The following ACTR6 variants were observed in gnomAD, a reference collection of about 807,000 sequenced individuals.
ACTR6 encodes actin-related protein 6.
In ACTR6, 50 loss-of-function variants were observed where a neutral mutation model predicts 52.5. The ratio of observed to expected loss-of-function variants is 0.95; its 90% confidence interval spans 0.76 to 1.20. The LOEUF (loss-of-function observed/expected upper bound fraction) is 1.20, where lower values mean the gene tolerates loss of function less well. Ranked by LOEUF, ACTR6 falls within the 50% of genes most tolerant of loss-of-function variation. The probability of loss-of-function intolerance (pLI) is 0.00; values close to 1 mark genes in which losing one functional copy is unlikely to be tolerated. For missense variants in ACTR6, 344 were observed against 472.4 expected (o/e 0.73, Z 2.52); for synonymous variants, 135 against 147.2 (o/e 0.92, Z 0.60).
chr12:100,205,124 A>G, intron 2 of ACTR6, 67 bp downstream of exon 2: 5 of 1,059,156 alleles, frequency 4.7e-6, no homozygotes, highest in Non-Finnish European at 6.9e-6. Flanking sequence ...TTTTAATTGT[A>G]TATAAAAGGC....
chr12:100,213,064 G>C (rs1200447412), intron 8 of ACTR6, among the ~76,000 whole-genome samples: 1 of 150,514 alleles, frequency 6.6e-6, no homozygotes, highest in Non-Finnish European at 1.5e-5. Flanking sequence ...CAGGGCCTTA[G>C]AGAGTTGCTT....
intron 10 of ACTR6, among the ~76,000 whole-genome samples, chr12:100,221,131 G>A (rs1208408881): frequency 6.6e-6 from 1 of 151,988 alleles, no homozygotes; most frequent in Non-Finnish European, 1.5e-5. Context: ...GTTGGCAAAT[G>A]CCCTATGGTG....
At chr12:100,214,281 G>A (rs1378815979) in intron 8 of ACTR6, among the ~76,000 whole-genome samples, 1 of 152,148 alleles carries the variant, frequency 6.6e-6, no homozygotes, top group African/African-American at 2.4e-5. Context: ...ACATTAAGCT[G>A]GTTGGTGAAT....
chr12:100,210,536 T>C (rs1034615136), intron 6 of ACTR6, among the ~76,000 whole-genome samples, 185 bp downstream of exon 6: 1 of 152,082 alleles, frequency 6.6e-6, no homozygotes, highest in African/African-American at 2.4e-5. Flanking sequence ...CTGGGCAACC[T>C]GGTGAAACCC....
chr12:100,205,173 C>A, intron 2 of ACTR6, 116 bp downstream of exon 2: 1 of 589,976 alleles, frequency 1.7e-6, no homozygotes, highest in Non-Finnish European at 2.8e-6. Context: ...CTAATTAAAC[C>A]CAAATTAAAA....
Position 100,212,244 on chromosome 12 carries a change from T to A in ACTR6, c.573-12T>A, listed in dbSNP as rs369544302. ...GTTTTGCTTCAAATTTTACAACTTT[T>A]ATTTCTGTTAGGCAGCTACATGTTA... On this transcript the variant is annotated splice_polypyrimidine_tract_variant and intron_variant, in intron 6 of 10. Coordinates refer to ENST00000188312, the MANE Select transcript of ACTR6 (RefSeq NM_022496.5). 6.1e-5 allele frequency: 93 copies of A among 1,530,038 alleles called. 3 individuals are homozygous for A. The highest frequency in any genetic ancestry group is 3.4e-4 in the East Asian group (15 of 43,764). The allele number at this position is 1,530,038 out of a possible 1,614,324, so 94.8% of individuals were successfully genotyped here.
chr12:100,205,073 A>G lies in ACTR6; in HGVS notation c.186+16A>G. 1 of 1,463,402 alleles carries G rather than the reference A, an allele frequency of 6.8e-7. No homozygotes were observed. Among genetic ancestry groups the G allele is most frequent in the South Asian group, 1.2e-5 (1 of 80,930 alleles). 90.7% of individuals were successfully genotyped at this position (1,463,402 alleles called of 1,614,324 possible). A position where few individuals can be genotyped will look rare whatever the true frequency, so the allele number is the denominator to read the frequency against. ...TTTTCAAAAGGTAATCCAATTAATT[A>G]TGTTTCATTTCTAGCATTGTAGACC... On this transcript the variant is annotated intron_variant, in intron 2 of 10. Coordinates refer to ENST00000188312, the MANE Select transcript of ACTR6 (RefSeq NM_022496.5).
chr12:100,223,576 T>C (rs1372503655), intron 10 of ACTR6, among the ~76,000 whole-genome samples: 2 of 152,206 alleles, frequency 1.3e-5, no homozygotes, highest in Non-Finnish European at 2.9e-5. Flanking sequence ...TAAACAAGGT[T>C]CCTTTCCTTT....
In ACTR6 at chr12:100,222,168, G is replaced by A. The variant is rs151240898; in HGVS notation, c.1062-1618G>A. On this transcript the variant is annotated intron_variant, in intron 10 of 10. Coordinates refer to ENST00000188312, the MANE Select transcript of ACTR6 (RefSeq NM_022496.5). Reference sequence around the variant, plus strand: ...TGGGGTTTCACCATGTTGGCCAGGCGGGTCTCAAACTCCTGACCTTGTGAT... The same window carrying A: ...TGGGGTTTCACCATGTTGGCCAGGCAGGTCTCAAACTCCTGACCTTGTGAT... Among the ~76,000 whole-genome samples the A allele has an allele frequency of 4.0e-5, 6 of 150,938 alleles. No individual in the cohort carries two copies. In the East Asian group the frequency reaches 7.9e-4, roughly 20 times the overall value.
In ACTR6 at chr12:100,223,965, C is replaced by A; in HGVS notation, c.*50C>A. On this transcript the variant is annotated 3_prime_UTR_variant, in exon 11 of 11. Transcript: ENST00000188312. ...GACCATAAGGTTTAATTTCAAAGTT[C>A]CTTTTAAAAGAGGTTAAGGAACTGT... is the stretch of plus-strand genomic sequence containing the variant. 1.3e-6 allele frequency: 2 copies of A among 1,566,562 alleles called. No individual in the cohort carries two copies. The highest frequency in any genetic ancestry group is 2.4e-5 in the South Asian group (2 of 84,032).
chr12:100,201,933 T>A, intron 1 of ACTR6, among the ~76,000 whole-genome samples: 1 of 114,452 alleles, frequency 8.7e-6, no homozygotes, highest in African/African-American at 6.6e-5. Context: ...ACAAAGCAAT[T>A]TTTTTTTTTT....
chr12:100,201,163 G>C, intron 1 of ACTR6: 1 of 1,068,086 alleles, frequency 9.4e-7, no homozygotes, highest in Non-Finnish European at 1.3e-6. Flanking sequence ...ACAGGAAATA[G>C]CCAAAGAAAA....
chr12:100,203,320 T>C (rs1232916822), intron 1 of ACTR6, among the ~76,000 whole-genome samples: 1 of 152,160 alleles, frequency 6.6e-6, no homozygotes, highest in Non-Finnish European at 1.5e-5. Flanking sequence ...TTTTATTTTT[T>C]TGAGACAGAG....
intron 4 of ACTR6, among the ~76,000 whole-genome samples, chr12:100,209,869 A>G (rs1592838328): frequency 6.6e-6 from 1 of 152,186 alleles, no homozygotes; most frequent in South Asian, 2.1e-4. Flanking sequence ...CCAAATTTTT[A>G]TTATGTTTAC....
intron 4 of ACTR6, chr12:100,208,724 A>ATT (rs1367824993): frequency 1.3e-5 from 6 of 455,802 alleles, no homozygotes; most frequent in Non-Finnish European, 2.6e-5. Flanking sequence ...CCTGTCATTT[A>ATT]TGTGTTTGCA....
intron 4 of ACTR6, 138 bp downstream of exon 4, chr12:100,207,924 G>T: frequency 1.2e-6 from 1 of 861,166 alleles, no homozygotes. Flanking sequence ...AGTTTGGGAG[G>T]CTGAGGCGAG....
chr12:100,211,424 A>T (rs1336791007), intron 6 of ACTR6, among the ~76,000 whole-genome samples: 1 of 151,962 alleles, frequency 6.6e-6, no homozygotes, highest in East Asian at 1.9e-4. Flanking sequence ...GGCATGTGCT[A>T]CCACACCTGG....
intron 8 of ACTR6, among the ~76,000 whole-genome samples, chr12:100,214,460 G>A (rs1418179586): frequency 1.3e-5 from 2 of 151,668 alleles, no homozygotes; most frequent in African/African-American, 2.4e-5. Context: ...TTATGGCTGT[G>A]TGTGGTGGCA....
chr12:100,208,535 A>G (rs2096116980), intron 4 of ACTR6, among the ~76,000 whole-genome samples: 1 of 152,216 alleles, frequency 6.6e-6, no homozygotes, highest in African/African-American at 2.4e-5. Context: ...TTGCCCTCCC[A>G]AAATGCTGGG....
Sources: allele counts gnomAD v4.1 joint callset (sites outside exome capture counted in the v4.1 genomes callset), GRCh38; gene constraint gnomAD v4.1.1; transcripts MANE v1.5; gene names NCBI Gene and HGNC (gene_info 2026-07-23, HGNC 2026-07-21).